Variants in CTNNA1 observed in about 807,000 individuals in gnomAD.
CTNNA1 encodes catenin alpha-1.
Under a neutral mutation model 98.4 loss-of-function variants are expected in CTNNA1, and 37 were observed. The ratio of observed to expected loss-of-function variants is 0.38; its 90% CI spans 0.29 to 0.49. The LOEUF (loss-of-function observed/expected upper bound fraction) is 0.49. Among genes scored for constraint, CTNNA1 ranks in the 20% least tolerant of loss-of-function variants. The pLI is 0.95. For synonymous variants in CTNNA1, 404 were observed against 413.2 expected (o/e 0.98, Z 0.27); for missense variants, 761 against 1,147.2 (o/e 0.66, Z 4.86).
intron 1 of CTNNA1, among the ~76,000 whole-genome samples, chr5:138,765,027 C>T (rs1752776410): frequency 6.6e-6 from 1 of 151,778 alleles, no homozygotes; most frequent in African/African-American, 2.4e-5. Context: ...GTGCCTGCCA[C>T]CATGCCCAGC....
chr5:138,812,041 G>A, intron 4 of CTNNA1, 142 bp from the exon 5 acceptor site: 1 of 656,610 alleles, frequency 1.5e-6, no homozygotes, highest in Non-Finnish European at 2.7e-6. Flanking sequence ...TTAAATGTTA[G>A]AAGACCATGC....
chr5:138,810,075 T>C lies in CTNNA1; in HGVS notation c.339T>C (p.Asp113=). Residue 113 remains aspartate, a synonymous_variant, in exon 4 of 18, where the codon GAT becomes GAC. Coordinates refer to ENST00000302763, the MANE Select transcript of CTNNA1 (RefSeq NM_001903.5). Reference sequence around the variant, plus strand: ...AGGCTGCTGCAGGAGAGTTCGCAGATGATCCCTGCTCTTCTGTGAAGCGAG... The same window carrying C: ...AGGCTGCTGCAGGAGAGTTCGCAGACGATCCCTGCTCTTCTGTGAAGCGAG... ...LMKAAAGEFA[D]DPCSSVKRGN... 1 of 1,613,888 alleles carries C rather than the reference T, an allele frequency of 6.2e-7. No homozygotes were observed. Among genetic ancestry groups the C allele is most frequent in the Non-Finnish European group, 8.5e-7 (1 of 1,179,736 alleles).
rs1581105677 is a variant in CTNNA1, at chr5:138,810,114, G to T, written c.378G>T (p.Arg126=). Residue 126 remains arginine (R), a synonymous_variant, in exon 4 of 18, where the codon CGG becomes CGT. Transcript: ENST00000302763. ...CTGTGAAGCGAGGCAACATGGTTCG[G>T]GCAGCTCGAGCTTTGCTCTCTGCTG... ...CSSVKRGNMV[R]AARALLSAVT... 6.2e-7 allele frequency: 1 copy of T among 1,614,118 alleles called. No homozygotes were observed.
intron 3 of CTNNA1, among the ~76,000 whole-genome samples, chr5:138,800,374 G>A (rs1178314523): frequency 6.6e-6 from 1 of 152,180 alleles, no homozygotes; most frequent in Non-Finnish European, 1.5e-5. Flanking sequence ...AAGATCTAGA[G>A]TTGAAGAATT....
intron 7 of CTNNA1, among the ~76,000 whole-genome samples, chr5:138,855,108 G>A (rs1763613647): frequency 6.6e-6 from 1 of 152,144 alleles, no homozygotes; most frequent in South Asian, 2.1e-4. Context: ...GCGCGATCTC[G>A]GCTCACTGCA....
intron 9 of CTNNA1, among the ~76,000 whole-genome samples, chr5:138,888,638 C>T (rs938281241): frequency 3.3e-5 from 5 of 152,154 alleles, no homozygotes; most frequent in Non-Finnish European, 7.3e-5. Context: ...ATCTCTGCCT[C>T]CTGGGTTCAA....
intron 14 of CTNNA1, 63 bp downstream of exon 14, chr5:138,929,419 G>C: frequency 1.2e-6 from 1 of 822,218 alleles, no homozygotes; most frequent in Non-Finnish European, 2.1e-6. Flanking sequence ...CCCCTTTCTT[G>C]TTTCCAGGAA....
chr5:138,858,767 G>C (rs2149874830), intron 7 of CTNNA1, among the ~76,000 whole-genome samples: 1 of 151,530 alleles, frequency 6.6e-6, no homozygotes, highest in East Asian at 1.9e-4. Context: ...AGCTAATTTT[G>C]TTTGTATTTT....
rs17031 is a variant in CTNNA1 at position 138,934,853 on chromosome 5, T to A, written c.*764T>A. ...GCAGCAGAAAAACCTGACAACATAG[T>A]GTTTGCTAAGGCAGTAATTTAGACT... On this transcript the variant is annotated 3_prime_UTR_variant, in exon 18 of 18. Transcript: ENST00000302763. 0.27 allele frequency: 41,188 copies of A among 152,522 alleles called. 5,778 individuals carry two copies. The highest frequency in any genetic ancestry group is 0.32 in the Middle Eastern group (95 of 294). The allele number at this position is 152,522 out of a possible 1,614,324, so 9.4% of individuals were successfully genotyped here.
In CTNNA1 at chr5:138,838,642, G is replaced by T. The variant is rs1354491572; in HGVS notation, c.1062+10924G>T. Among the ~76,000 whole-genome samples the T allele has an allele frequency of 4.0e-5, 6 of 151,844 alleles. No homozygotes were observed. In the East Asian group the frequency reaches 1.2e-3, roughly 29 times the overall value. ...ATTCTATCTTTACTAGTTTCCTGAG[G>T]TGAGAACTTAGGTTATTGACTTGAG... is the stretch of plus-strand genomic sequence containing the variant. On this transcript the variant is annotated intron_variant, in intron 7 of 17. Coordinates refer to ENST00000302763, the MANE Select transcript of CTNNA1 (RefSeq NM_001903.5).
At chr5:138,846,074 C>T (rs1762703806) in intron 7 of CTNNA1, among the ~76,000 whole-genome samples, 1 of 152,012 alleles carries the variant, frequency 6.6e-6, no homozygotes, top group Non-Finnish European at 1.5e-5. Context: ...TTACAAGCGC[C>T]CACCACCACG....
chr5:138,804,262 T>C (rs1757862427), intron 3 of CTNNA1, among the ~76,000 whole-genome samples: 1 of 152,246 alleles, frequency 6.6e-6, no homozygotes, highest in Admixed American at 6.5e-5. Context: ...CTGTGCTCTT[T>C]CATGTTACTG....
At chr5:138,852,871 G>GCGCACACACACACGCGCACGCGCA (rs869240008) in intron 7 of CTNNA1, among the ~76,000 whole-genome samples, 5 of 151,240 alleles carry the variant, frequency 3.3e-5, no homozygotes, top group Admixed American at 6.6e-5. Flanking sequence ...GCGCGCGCGC[G>GCGCACACACACACGCGCACGCGCA]CACACACACA....
At chr5:138,875,275 A>C (rs912652755) in intron 7 of CTNNA1, 37 of 463,244 alleles carry the variant, frequency 8.0e-5, no homozygotes, top group African/African-American at 7.1e-4. Flanking sequence ...TGCAGAGAAG[A>C]GCTCCTGGAG....
chr5:138,916,882 C>G (rs1285970186), intron 10 of CTNNA1, among the ~76,000 whole-genome samples: 1 of 151,904 alleles, frequency 6.6e-6, no homozygotes, highest in African/African-American at 2.4e-5. Flanking sequence ...TCAAGTGATT[C>G]TCCTGCCTCA....
At chr5:138,877,444 T>TC (rs1255062022) in intron 7 of CTNNA1, among the ~76,000 whole-genome samples, 3 of 146,446 alleles carry the variant, frequency 2.0e-5, no homozygotes, top group African/African-American at 5.3e-5. Context: ...TAAATTTCTT[T>TC]TTTTTTTTTT....
intron 5 of CTNNA1, among the ~76,000 whole-genome samples, chr5:138,813,050 A>G (rs1450423702): frequency 1.3e-5 from 2 of 152,190 alleles, no homozygotes; most frequent in Non-Finnish European, 2.9e-5. Context: ...TTTGCACTGG[A>G]GTTTGCAGAA....
At chr5:138,782,454 T>G (rs1216186922) in intron 2 of CTNNA1, 2 of 346,706 alleles carry the variant, frequency 5.8e-6, no homozygotes, top group Non-Finnish European at 1.2e-5. Flanking sequence ...GTCACAATGT[T>G]AGGGTAGTTC....
chr5:138,811,686 C>G (rs1758813518), intron 4 of CTNNA1, among the ~76,000 whole-genome samples: 1 of 152,034 alleles, frequency 6.6e-6, no homozygotes, highest in Non-Finnish European at 1.5e-5. Context: ...GAGGCCGAGG[C>G]TGGCGGATCA....
Sources: gnomAD v4.1 joint callset for allele counts (sites outside exome capture counted in the v4.1 genomes callset) on GRCh38, gnomAD v4.1.1 for gene constraint, MANE v1.5 for transcripts, NCBI Gene and HGNC (gene_info 2026-07-23, HGNC 2026-07-21) for gene names.